Variants in RABGAP1 observed in about 807,000 individuals in gnomAD.
RABGAP1 encodes rab GTPase-activating protein 1.
RABGAP1 carries 23 observed loss-of-function variants against 137.6 expected under a neutral mutation model. The ratio of observed to expected loss-of-function variants is 0.17; its 90% confidence interval spans 0.12 to 0.24. The LOEUF (loss-of-function observed/expected upper bound fraction) is 0.24. RABGAP1 is among the 10% of genes least tolerant of loss of function. RABGAP1 has a pLI of 1.00. For missense variants in RABGAP1, 906 were observed against 1,275.8 expected (o/e 0.71, Z 4.42); for synonymous variants, 451 against 450.7 (o/e 1.00, Z -0.01).
At chr9:122,979,014 T>A (rs1588204959) in intron 2 of RABGAP1, among the ~76,000 whole-genome samples, 1 of 152,194 alleles carries the variant, frequency 6.6e-6, no homozygotes, top group East Asian at 1.9e-4. Context: ...TCCTCCCACC[T>A]CAGCCTCTTG....
At position 123,101,636 on chromosome 9, in the gene RABGAP1, C is replaced by T. The variant is rs1474697883; in HGVS notation, c.2960C>T (p.Ser987Leu). Reference sequence around the variant, plus strand: ...GAAGGGCGTGTAAAAGGCATAAGCTCAACCAAGGAGGTTTTAGATGAGGAC... The same window carrying T: ...GAAGGGCGTGTAAAAGGCATAAGCTTAACCAAGGAGGTTTTAGATGAGGAC... ...NKEGRVKGIS[S>L]TKEVLDEDTD... The change falls in exon 25 of 26, where the codon TCA becomes TTA. Residue 987 changes from serine (S) to leucine (L), a missense_variant. Physicochemically the swap from Ser to Leu is moderately radical, Grantham distance 145. Transcript: ENST00000373647. The T allele has an allele frequency of 1.9e-6, 3 of 1,614,154 alleles. No homozygotes were observed. The highest frequency in any genetic ancestry group is 2.5e-6 in the Non-Finnish European group (3 of 1,180,038).
rs144759519 is a variant in RABGAP1, at chr9:123,067,476, C to T, written c.1908+2015C>T. ...AACCCATGGAATTAAATGAAAAGTC[C>T]TAGTTCATTTCCCTGGATTCCTTAG... On this transcript the variant is annotated intron_variant, in intron 14 of 25. Coordinates refer to ENST00000373647, the MANE Select transcript of RABGAP1 (RefSeq NM_012197.4). 2.3e-3 allele frequency among the ~76,000 whole-genome samples: 354 copies of T among 152,324 alleles called. 1 individual carries two copies. The highest frequency in any genetic ancestry group is 8.0e-3 in the African/African-American group (332 of 41,560).
intron 13 of RABGAP1, among the ~76,000 whole-genome samples, chr9:123,030,144 G>A (rs943769875): frequency 1.3e-5 from 2 of 152,112 alleles, no homozygotes; most frequent in Admixed American, 1.3e-4. Context: ...GTTAAGTATC[G>A]GTAAGTTCGT....
chr9:122,980,629 G>A (rs1362494995), intron 2 of RABGAP1, among the ~76,000 whole-genome samples: 1 of 152,210 alleles, frequency 6.6e-6, no homozygotes, highest in East Asian at 1.9e-4. Flanking sequence ...ATAGCTGTAA[G>A]GGAGGCTGGA....
intron 2 of RABGAP1, among the ~76,000 whole-genome samples, chr9:122,979,726 A>G (rs1462964698): frequency 1.3e-5 from 2 of 152,178 alleles, no homozygotes; most frequent in Non-Finnish European, 2.9e-5. Context: ...CACTTTCTCC[A>G]TTTAATAACC....
At chr9:123,017,301 A>C (rs1016381741) in intron 12 of RABGAP1, among the ~76,000 whole-genome samples, 1 of 152,208 alleles carries the variant, frequency 6.6e-6, no homozygotes, top group African/African-American at 2.4e-5. Context: ...CATCTTATAC[A>C]ACTTGGAATT....
Position 122,976,587 on chromosome 9 carries a change from T to G in RABGAP1, c.151-7898T>G, listed in dbSNP as rs377538036. On this transcript the variant is annotated intron_variant, in intron 2 of 25. Coordinates refer to ENST00000373647, the MANE Select transcript of RABGAP1 (RefSeq NM_012197.4). ...ATTTGTAGAATATTCAGTATCCAAG[T>G]AGGATAAAATCATACTGCTTTGGCT... 4.6e-5 allele frequency among the ~76,000 whole-genome samples: 7 copies of G among 152,240 alleles called. No homozygotes were observed. In the East Asian group the frequency reaches 1.2e-3, roughly 25 times the overall value.
At chr9:123,027,889 T>C (rs1334860447) in intron 13 of RABGAP1, among the ~76,000 whole-genome samples, 1 of 152,214 alleles carries the variant, frequency 6.6e-6, no homozygotes, top group East Asian at 1.9e-4. Flanking sequence ...TAGAACTGTA[T>C]TGTCTGCTGT....
chr9:123,101,899 A>G lies in RABGAP1; in HGVS notation c.3087+136A>G, dbSNP rs1358042974. On this transcript the variant is annotated intron_variant, in intron 25 of 25. Coordinates refer to ENST00000373647, the MANE Select transcript of RABGAP1 (RefSeq NM_012197.4). The stretch of plus-strand genomic sequence containing the variant: ...TTGGTCACAGTTGTCATGAGAAGAA[A>G]TATAGGACTTGTTACTGGCCAGTGG... 3 of 911,004 alleles carry G rather than the reference A, an allele frequency of 3.3e-6. No individual in the cohort carries two copies. In the African/African-American group the frequency reaches 5.1e-5, roughly 16 times the overall value. 56.4% of individuals were successfully genotyped at this position (911,004 alleles called of 1,614,324 possible).
chr9:123,019,428 T>C (rs1420335874), intron 12 of RABGAP1, among the ~76,000 whole-genome samples: 1 of 149,842 alleles, frequency 6.7e-6, no homozygotes, highest in Non-Finnish European at 1.5e-5. Context: ...GCTCAAGCGA[T>C]CTTCTTGCCT....
chr9:123,046,331 A>C (rs2033204312), intron 13 of RABGAP1, among the ~76,000 whole-genome samples: 1 of 152,206 alleles, frequency 6.6e-6, no homozygotes, highest in Admixed American at 6.5e-5. Context: ...AACTTTAAAA[A>C]TGAGTTGGTC....
intron 10 of RABGAP1, 104 bp from the exon 11 acceptor site, chr9:123,010,250 C>A (rs2030678777): frequency 2.0e-6 from 2 of 988,344 alleles, no homozygotes; most frequent in Non-Finnish European, 1.4e-6. Context: ...GAAGTGATTG[C>A]AGTGAGCCGA....
At chr9:122,976,950 A>G (rs1835790307) in intron 2 of RABGAP1, among the ~76,000 whole-genome samples, 2 of 152,208 alleles carry the variant, frequency 1.3e-5, no homozygotes, top group African/African-American at 4.8e-5. Flanking sequence ...CACTCTATAC[A>G]AAGTATGGGT....
chr9:122,988,280 T>C (rs965644500), intron 4 of RABGAP1, among the ~76,000 whole-genome samples: 2 of 152,236 alleles, frequency 1.3e-5, no homozygotes, highest in Non-Finnish European at 2.9e-5. Flanking sequence ...ATTTCCGTGA[T>C]GAGCAAGGCC....
intron 13 of RABGAP1, among the ~76,000 whole-genome samples, chr9:123,045,005 T>TA (rs1376374785): frequency 6.6e-6 from 1 of 152,196 alleles, no homozygotes; most frequent in Non-Finnish European, 1.5e-5. Context: ...CTTTGCAAAT[T>TA]AAAAAACCTA....
At chr9:122,959,364 CAAAAAAA>C (rs33932737) in intron 2 of RABGAP1, among the ~76,000 whole-genome samples, 3 of 107,738 alleles carry the variant, frequency 2.8e-5, no homozygotes, top group East Asian at 5.4e-4. Flanking sequence ...TGGGGCTTTA[CAAAAAAA>C]AAAAAAAAAA....
intron 13 of RABGAP1, among the ~76,000 whole-genome samples, chr9:123,064,038 G>C (rs2034080239): frequency 6.6e-6 from 1 of 151,916 alleles, no homozygotes; most frequent in Non-Finnish European, 1.5e-5. Context: ...TCTCTCACTC[G>C]CTCTCACTCT....
At chr9:123,077,626 ATTG>A (rs1189702813) in intron 19 of RABGAP1, among the ~76,000 whole-genome samples, 24 of 93,730 alleles carry the variant, frequency 2.6e-4, no homozygotes, top group Non-Finnish European at 3.9e-4. Flanking sequence ...ATTGTATTGT[ATTG>A]TATTGTATTG....
chr9:122,969,048 G>T (rs531722768), intron 2 of RABGAP1, among the ~76,000 whole-genome samples: 5 of 152,202 alleles, frequency 3.3e-5, no homozygotes, highest in Admixed American at 3.3e-4. Context: ...GTCATGCACT[G>T]CATGACAGCA....
Sources: gnomAD v4.1 joint callset for allele counts (sites outside exome capture counted in the v4.1 genomes callset) on GRCh38, gnomAD v4.1.1 for gene constraint, MANE v1.5 for transcripts, NCBI Gene and HGNC (gene_info 2026-07-23, HGNC 2026-07-21) for gene names.